Variants in TLL2 observed in about 807,000 individuals in gnomAD.
TLL2 encodes the protein tolloid-like protein 2.
TLL2 carries 106 observed loss-of-function variants against 123.0 expected under a neutral mutation model. The ratio of observed to expected loss-of-function variants is 0.86; its 90% CI spans 0.74 to 1.01. TLL2 has a LOEUF of 1.01. TLL2 is among the 50% of genes least tolerant of loss of function. TLL2 has a pLI of 0.00. For synonymous variants in TLL2, 494 were observed against 516.8 expected, an observed-to-expected ratio of 0.96 and a Z score of 0.60; for missense variants, 1,332 against 1,336.7, an observed-to-expected ratio of 1.00 and a Z score of 0.06.
chr10:96,468,381 G>A (rs79346838), intron 2 of TLL2, among the ~76,000 whole-genome samples: 4,694 of 152,268 alleles, frequency 0.031, 242 homozygotes, highest in African/African-American at 0.11. Flanking sequence ...TGAGGGGCAG[G>A]TGCAAGAAGA....
chr10:96,373,919 C>A, intron 18 of TLL2, 110 bp from the exon 19 acceptor site: 1 of 920,938 alleles, frequency 1.1e-6, no homozygotes, highest in Non-Finnish European at 1.7e-6. Context: ...GGGAGACGTC[C>A]AGCTGGCTGT....
chr10:96,403,988 T>C (rs900630208), intron 10 of TLL2, among the ~76,000 whole-genome samples: 171 of 146,836 alleles, frequency 1.2e-3, no homozygotes, highest in South Asian at 2.6e-3. Context: ...AATTATGACA[T>C]AGATTCTTTT....
At chr10:96,511,286 G>A (rs571250437) in intron 1 of TLL2, among the ~76,000 whole-genome samples, 19 of 152,366 alleles carry the variant, frequency 1.2e-4, no homozygotes, top group African/African-American at 4.6e-4. Flanking sequence ...TCAGTACACT[G>A]ATGAACTGCT....
intron 2 of TLL2, among the ~76,000 whole-genome samples, chr10:96,474,286 T>C (rs1025695943): frequency 2.0e-5 from 3 of 152,084 alleles, no homozygotes; most frequent in Non-Finnish European, 2.9e-5. Context: ...CATCGGAGAA[T>C]GGGGGAGAAA....
At chr10:96,370,574 A>G (rs1452342341) in intron 19 of TLL2, among the ~76,000 whole-genome samples, 1 of 152,216 alleles carries the variant, frequency 6.6e-6, no homozygotes, top group Non-Finnish European at 1.5e-5. Context: ...CATTGAAAAG[A>G]GTTGGCTGCT....
In TLL2 at chr10:96,368,031, TAAAAACAAAA is replaced by T. The variant is rs1846045416; in HGVS notation, c.*47_*56del. 11 of 1,604,790 alleles carry T rather than the reference TAAAAACAAAA, an allele frequency of 6.9e-6. No individual in the cohort carries two copies. Among genetic ancestry groups the T allele is most frequent in the Middle Eastern group, 1.7e-4 (1 of 6,020 alleles). ...CAGATTTTCAAGGTGCTATTGTTGT[TAAAAACAAAA>T]CAAAACAAAAAAAATTCTCAGTTTC... On this transcript the variant is annotated 3_prime_UTR_variant, in exon 21 of 21. Transcript: ENST00000357947.
chr10:96,442,116 G>A (rs1846855385), intron 3 of TLL2, among the ~76,000 whole-genome samples: 1 of 152,168 alleles, frequency 6.6e-6, no homozygotes, highest in African/African-American at 2.4e-5. Flanking sequence ...CTCATCTCCA[G>A]AGGAGGGAGA....
intron 9 of TLL2, among the ~76,000 whole-genome samples, chr10:96,409,997 G>C (rs563599503): frequency 2.6e-5 from 4 of 152,312 alleles, no homozygotes; most frequent in African/African-American, 9.6e-5. Context: ...GGAGGCTGGG[G>C]GGAAGAATAG....
intron 2 of TLL2, among the ~76,000 whole-genome samples, chr10:96,464,508 G>A (rs1847110331): frequency 6.6e-6 from 1 of 152,152 alleles, no homozygotes; most frequent in African/African-American, 2.4e-5. Context: ...TTGGCCTTGT[G>A]AGCGGCAGCA....
chr10:96,422,137 T>C (rs1415644376), intron 6 of TLL2, among the ~76,000 whole-genome samples: 1 of 152,192 alleles, frequency 6.6e-6, no homozygotes, highest in East Asian at 1.9e-4. Context: ...CATGTCCTAA[T>C]TGTATTTCAG....
In TLL2 at chr10:96,366,108, T is replaced by C. The variant is rs1332045699; in HGVS notation, c.*1980A>G. 6.6e-6 allele frequency: 1 copy of C among 152,226 alleles called. No homozygotes were observed. The highest frequency in any genetic ancestry group is 1.5e-5 in the Non-Finnish European group (1 of 68,046). The allele number at this position is 152,226 out of a possible 1,614,324, so 9.4% of individuals were successfully genotyped here. Reference sequence around the variant, plus strand: ...TAGGTTTCCCAGTTCCAGTTTCAACTCTCATAGACAAGATGAGACCAAATA... The same window carrying C: ...TAGGTTTCCCAGTTCCAGTTTCAACCCTCATAGACAAGATGAGACCAAATA... On this transcript the variant is annotated 3_prime_UTR_variant, in exon 21 of 21. Coordinates refer to ENST00000357947, the MANE Select transcript of TLL2 (RefSeq NM_012465.4).
At chr10:96,384,493 A>AAG (rs1846211685) in intron 16 of TLL2, 94 bp downstream of exon 16, 1 of 1,324,972 alleles carries the variant, frequency 7.5e-7, no homozygotes, top group Non-Finnish European at 1.0e-6. Flanking sequence ...GGAGCAAGCA[A>AAG]AGAGAGAGAG....
At position 96,410,245 on chromosome 10, in the gene TLL2, A is replaced by T. The variant is rs768010042; in HGVS notation, c.1164+114T>A. The T allele has an allele frequency of 5.6e-6, 4 of 714,116 alleles. No individual in the cohort carries two copies. The Admixed American group carries it at 7.7e-5, about 14-fold the overall frequency. The allele number at this position is 714,116 out of a possible 1,614,324, so 44.2% of individuals were successfully genotyped here. A position where few individuals can be genotyped will look rare whatever the true frequency, so the allele number is the denominator to read the frequency against. On this transcript the variant is annotated intron_variant, in intron 9 of 20. Coordinates refer to ENST00000357947, the MANE Select transcript of TLL2 (RefSeq NM_012465.4). ...GCAAACAGCACCATGCCTGGCATAC[A>T]GTGGGTGCTTATAACCGAACAGCTG... is the stretch of plus-strand genomic sequence containing the variant.
rs1486868163 is a variant in TLL2 at position 96,365,412 on chromosome 10, A to T, written c.*2676T>A. 1 of 152,266 alleles carries T rather than the reference A, an allele frequency of 6.6e-6. No homozygotes were observed. Among genetic ancestry groups the T allele is most frequent in the African/African-American group, 2.4e-5 (1 of 41,468 alleles). The allele number at this position is 152,266 out of a possible 1,614,324, so 9.4% of individuals were successfully genotyped here. ...CTGCAATCCAGGCTTAGCTTTTGCT[A>T]GACCGGGTTACACCAGAACGGAGCC... On this transcript the variant is annotated 3_prime_UTR_variant, in exon 21 of 21. Coordinates refer to ENST00000357947, the MANE Select transcript of TLL2 (RefSeq NM_012465.4).
chr10:96,466,741 A>T (rs1847135861), intron 2 of TLL2, among the ~76,000 whole-genome samples: 1 of 152,226 alleles, frequency 6.6e-6, no homozygotes, highest in Non-Finnish European at 1.5e-5. Flanking sequence ...GACTATTCTG[A>T]AGTTCCACGA....
chr10:96,433,185 G>C (rs1224475290), intron 3 of TLL2, among the ~76,000 whole-genome samples: 4 of 152,148 alleles, frequency 2.6e-5, no homozygotes, highest in Non-Finnish European at 2.9e-5. Flanking sequence ...GGTTTGGCTT[G>C]TCTGAGGCCT....
chr10:96,481,274 G>A (rs1005812454), intron 1 of TLL2, among the ~76,000 whole-genome samples: 2 of 152,034 alleles, frequency 1.3e-5, no homozygotes, highest in African/African-American at 4.8e-5. Flanking sequence ...AGCTGCCCAA[G>A]TAGCTAGGAC....
chr10:96,513,418 C>A, intron 1 of TLL2, 93 bp downstream of exon 1: 1 of 1,525,730 alleles, frequency 6.6e-7, no homozygotes, highest in African/African-American at 1.4e-5. Context: ...GGAGGGGAGA[C>A]CCGCCCCATA....
intron 1 of TLL2, among the ~76,000 whole-genome samples, chr10:96,488,269 A>G (rs769280089): frequency 1.1e-4 from 16 of 152,294 alleles, no homozygotes; most frequent in Admixed American, 2.0e-4. Flanking sequence ...TACAGGTTTG[A>G]TCCCTTTGGG....
Sources: gnomAD v4.1 joint callset for allele counts (sites outside exome capture counted in the v4.1 genomes callset) on GRCh38, gnomAD v4.1.1 for gene constraint, MANE v1.5 for transcripts, NCBI Gene and HGNC (gene_info 2026-07-23, HGNC 2026-07-21) for gene names.